PLOD2: variants seen among roughly 807,000 people sequenced by gnomAD.
PLOD2 encodes the protein lysine hydroxylase 2.
In PLOD2, 65 loss-of-function variants were observed where a neutral mutation model predicts 101.0. The ratio of observed to expected loss-of-function variants is 0.64; its 90% confidence interval spans 0.53 to 0.79. The LOEUF (loss-of-function observed/expected upper bound fraction) is 0.79, where lower values mean the gene tolerates loss of function less well. Ranked by LOEUF, PLOD2 falls within the 30% of genes least tolerant of loss-of-function variation. The pLI is 0.00. For missense variants in PLOD2, 909 were observed against 914.6 expected (o/e 0.99, Z 0.08); for synonymous variants, 314 against 302.9 (o/e 1.04, Z -0.38).
intron 3 of PLOD2, among the ~76,000 whole-genome samples, chr3:146,113,335 A>G (rs1377196060): frequency 6.6e-6 from 1 of 152,198 alleles, no homozygotes; most frequent in Non-Finnish European, 1.5e-5. Context: ...GAACTTACTT[A>G]AAACTTCTCA....
intron 16 of PLOD2, 137 bp from the exon 17 acceptor site, chr3:146,072,802 G>T: frequency 1.5e-6 from 1 of 655,396 alleles, no homozygotes. Flanking sequence ...TTTATTGACA[G>T]TATTTTTTTT....
At chr3:146,108,714 G>A (rs1218284573) in intron 4 of PLOD2, among the ~76,000 whole-genome samples, 1 of 152,078 alleles carries the variant, frequency 6.6e-6, no homozygotes, top group Non-Finnish European at 1.5e-5. Context: ...ACTTACAACT[G>A]CACTTGCTTG....
chr3:146,088,852 G>A, intron 8 of PLOD2, 141 bp from the exon 9 acceptor site: 1 of 735,684 alleles, frequency 1.4e-6, no homozygotes. Context: ...ATTGCTCCAT[G>A]GCAGTTCTCT....
intron 1 of PLOD2, among the ~76,000 whole-genome samples, chr3:146,132,742 C>G (rs1428420558): frequency 6.6e-6 from 1 of 152,070 alleles, no homozygotes; most frequent in Non-Finnish European, 1.5e-5. Flanking sequence ...TCAAGAATTT[C>G]TAGTAGCTAG....
In PLOD2 at chr3:146,112,417, G is replaced by A. The variant is rs561774244; in HGVS notation, c.339-1969C>T. Among the ~76,000 whole-genome samples the A allele has an allele frequency of 2.6e-5, 4 of 151,968 alleles. No individual in the cohort carries two copies. The South Asian group carries it at 6.3e-4, about 24-fold the overall frequency. On this transcript the variant is annotated intron_variant, in intron 3 of 19. Transcript: ENST00000282903. ...ACAGAAACAGAAAACCAAACACCAC[G>A]TGTTCTCACTCATAAGTGGGAGCTG...
rs1020615974 is a variant in PLOD2 at position 146,086,860 on chromosome 3, G to A, written c.1054C>T (p.His352Tyr). 6.5e-7 allele frequency: 1 copy of A among 1,533,924 alleles called. No homozygotes were observed. Among genetic ancestry groups the A allele is most frequent in the Non-Finnish European group, 8.9e-7 (1 of 1,120,592 alleles). Residue 352 changes from histidine (H) to tyrosine (Y), a missense_variant, in exon 10 of 20, where the codon CAT (histidine) becomes TAT (tyrosine). Coordinates refer to ENST00000282903, the MANE Select transcript of PLOD2 (RefSeq NM_182943.3). ...DIKVFFDKAKHEIKTIKIVGP... is the reference protein window; with the variant it reads ...DIKVFFDKAKYEIKTIKIVGP... The stretch of plus-strand genomic sequence containing the variant: ...ACTATTTTTATAGTTTTGATTTCAT[G>A]CTTAGCTTTATCAAAAAATACCTTG...
chr3:146,106,265 C>A (rs1016509477), intron 5 of PLOD2, among the ~76,000 whole-genome samples: 1 of 152,148 alleles, frequency 6.6e-6, no homozygotes, highest in Non-Finnish European at 1.5e-5. Context: ...GTTCTTCTTT[C>A]CTTCTGCCTG....
rs143364718 is a variant in PLOD2, at chr3:146,086,988, C to T, written c.1006-80G>A. 8.4e-4 allele frequency: 616 copies of T among 732,404 alleles called. 3 individuals carry two copies. The African/African-American group carries it at 0.01, about 12-fold the overall frequency. 45.4% of individuals were successfully genotyped at this position (732,404 alleles called of 1,614,324 possible). A position where few individuals can be genotyped will look rare whatever the true frequency, so the allele number is the denominator to read the frequency against. ...AGTATTCATATTAGAGAGTGCTTCA[C>T]ATTCAAGGTCATGAATTCTACAATT... On this transcript the variant is annotated intron_variant, in intron 9 of 19. Transcript: ENST00000282903.
chr3:146,071,625 T>G (rs1337237610), intron 17 of PLOD2, among the ~76,000 whole-genome samples: 7 of 151,718 alleles, frequency 4.6e-5, no homozygotes, highest in African/African-American at 7.3e-5. Flanking sequence ...CGAAACAAAG[T>G]AATGTAAGGT....
chr3:146,134,608 C>T (rs1323445266), intron 1 of PLOD2, among the ~76,000 whole-genome samples: 6 of 152,174 alleles, frequency 3.9e-5, no homozygotes, highest in African/African-American at 1.4e-4. Flanking sequence ...CTTGCTGAAA[C>T]ACATATGATC....
chr3:146,082,281 C>T (rs920500360), intron 11 of PLOD2, among the ~76,000 whole-genome samples: 1 of 152,134 alleles, frequency 6.6e-6, no homozygotes, highest in African/African-American at 2.4e-5. Flanking sequence ...GCCCCTGGTG[C>T]ATTTAAGATA....
chr3:146,151,577 G>A (rs1428497650), intron 1 of PLOD2, among the ~76,000 whole-genome samples: 1 of 152,136 alleles, frequency 6.6e-6, no homozygotes, highest in South Asian at 2.1e-4. Flanking sequence ...CGAGGCTCAA[G>A]AATCGGCTCA....
At chr3:146,147,405 A>G (rs1367686324) in intron 1 of PLOD2, among the ~76,000 whole-genome samples, 1 of 152,208 alleles carries the variant, frequency 6.6e-6, no homozygotes, top group East Asian at 1.9e-4. Context: ...GATAATAAAT[A>G]CATTTGGAAA....
chr3:146,160,981 TC>T lies in PLOD2; in HGVS notation c.8del (p.Gly3AspfsTer4). On this transcript the variant is annotated frameshift_variant, in exon 1 of 20. Transcript: ENST00000282903. LOFTEE classifies it high-confidence loss of function. MG[G>X]CTVKPQLLLL... ...GCAGCAGCTGAGGCTTCACCGTGCA[TC>T]CCCCCATATTCGGCCCTCGAGGGCC... The T allele has an allele frequency of 6.3e-7, 1 of 1,579,280 alleles. No individual in the cohort carries two copies. The highest frequency in any genetic ancestry group is 8.6e-7 in the Non-Finnish European group (1 of 1,162,278).
At chr3:146,095,175 A>G (rs1229774955) in intron 7 of PLOD2, among the ~76,000 whole-genome samples, 3 of 152,220 alleles carry the variant, frequency 2.0e-5, no homozygotes, top group African/African-American at 4.8e-5. Flanking sequence ...CTTCACGACT[A>G]AAACACCAGA....
At chr3:146,120,928 G>A (rs1412795854) in intron 3 of PLOD2, among the ~76,000 whole-genome samples, 184 bp downstream of exon 3, 1 of 152,002 alleles carries the variant, frequency 6.6e-6, no homozygotes, top group Non-Finnish European at 1.5e-5. Context: ...TCACCATCTT[G>A]GCCAGGCTGG....
At chr3:146,098,445 A>C (rs1258410207) in intron 7 of PLOD2, among the ~76,000 whole-genome samples, 1 of 152,198 alleles carries the variant, frequency 6.6e-6, no homozygotes, top group Non-Finnish European at 1.5e-5. Context: ...ATATGTTTTA[A>C]ATAAAATGTT....
intron 2 of PLOD2, among the ~76,000 whole-genome samples, chr3:146,121,645 T>C (rs1396864290): frequency 6.6e-6 from 1 of 152,162 alleles, no homozygotes; most frequent in African/African-American, 2.4e-5. Flanking sequence ...CAGTGACTCC[T>C]TGATGAGGGG....
chr3:146,093,369 T>C (rs1937042448), intron 7 of PLOD2, among the ~76,000 whole-genome samples: 1 of 152,138 alleles, frequency 6.6e-6, no homozygotes, highest in African/African-American at 2.4e-5. Context: ...AGGAAACAAA[T>C]TACAAGGCAG....
Sources: gnomAD v4.1 joint callset for allele counts (sites outside exome capture counted in the v4.1 genomes callset) on GRCh38, gnomAD v4.1.1 for gene constraint, MANE v1.5 for transcripts, NCBI Gene and HGNC (gene_info 2026-07-23, HGNC 2026-07-21) for gene names.